RBFOX1: variants seen among roughly 807,000 people sequenced by gnomAD.
The protein encoded by RBFOX1 is RNA binding protein fox-1 homolog 1.
RBFOX1 carries 8 observed loss-of-function variants against 57.7 expected under a neutral mutation model. The observed-to-expected ratio is 0.14, with a 90% CI of 0.08 to 0.25. RBFOX1 has a LOEUF of 0.25. Ranked by LOEUF, RBFOX1 falls within the 10% of genes least tolerant of loss-of-function variation. RBFOX1 has a pLI of 1.00. For missense variants in RBFOX1, 611 were observed against 548.5 expected (o/e 1.11, Z -1.14); for synonymous variants, 326 against 222.4 (o/e 1.47, Z -4.15).
At chr16:5,803,500 T>G (rs541960599) in intron 3 of RBFOX1, among the ~76,000 whole-genome samples, 28 of 152,342 alleles carry the variant, frequency 1.8e-4, no homozygotes, top group African/African-American at 6.5e-4. Flanking sequence ...CGGTGCTACT[T>G]TCTTTGTGAG....
chr16:7,261,520 G>A (rs1277376173), intron 4 of RBFOX1, among the ~76,000 whole-genome samples: 1 of 152,074 alleles, frequency 6.6e-6, no homozygotes, highest in Non-Finnish European at 1.5e-5. Flanking sequence ...ATCAGCATAG[G>A]AGATAACTAA....
At chr16:6,476,235 C>T (rs1162441733) in intron 2 of RBFOX1, among the ~76,000 whole-genome samples, 1 of 152,118 alleles carries the variant, frequency 6.6e-6, no homozygotes, top group South Asian at 2.1e-4. Context: ...AAATACTACC[C>T]ATTTTGTATG....
chr16:5,384,853 G>C (rs932483168), intron 1 of RBFOX1, among the ~76,000 whole-genome samples: 2 of 152,148 alleles, frequency 1.3e-5, no homozygotes, highest in African/African-American at 4.8e-5. Flanking sequence ...ATTCATCGTA[G>C]TGATTCCTAC....
At chr16:6,693,646 C>A (rs1376329967) in intron 3 of RBFOX1, among the ~76,000 whole-genome samples, 2 of 151,562 alleles carry the variant, frequency 1.3e-5, no homozygotes, top group African/African-American at 4.9e-5. Context: ...CCATCACCAC[C>A]ACAATCATCA....
chr16:6,817,269 C>T (rs1024996154), intron 3 of RBFOX1, among the ~76,000 whole-genome samples: 1 of 152,112 alleles, frequency 6.6e-6, no homozygotes, highest in African/African-American at 2.4e-5. Context: ...ATACTTCTGA[C>T]CACCTTAATG....
intron 14 of RBFOX1, among the ~76,000 whole-genome samples, chr16:7,681,443 G>A (rs557584800): frequency 6.6e-6 from 1 of 152,134 alleles, no homozygotes; most frequent in Non-Finnish European, 1.5e-5. Context: ...ATTAGCGCAG[G>A]CTACTTCCTG....
At chr16:7,432,876 G>C (rs1361499119) in intron 4 of RBFOX1, among the ~76,000 whole-genome samples, 1 of 152,112 alleles carries the variant, frequency 6.6e-6, no homozygotes, top group Non-Finnish European at 1.5e-5. Flanking sequence ...TCTGTTTTCA[G>C]GCCATCATAA....
intron 2 of RBFOX1, among the ~76,000 whole-genome samples, chr16:6,472,637 T>G (rs1188522998): frequency 6.6e-6 from 1 of 152,032 alleles, no homozygotes; most frequent in African/African-American, 2.4e-5. Flanking sequence ...TTTCTTTTTT[T>G]TTTTTCAATG....
chr16:6,122,798 GTGTA>G (rs970286477), intron 1 of RBFOX1, among the ~76,000 whole-genome samples: 5 of 117,724 alleles, frequency 4.2e-5, no homozygotes, highest in African/African-American at 1.1e-4. Context: ...GGCTATGTGT[GTGTA>G]TGTGTGTGTG....
intron 3 of RBFOX1, among the ~76,000 whole-genome samples, chr16:6,799,777 C>G (rs11642370): frequency 6.6e-6 from 1 of 151,962 alleles, no homozygotes; most frequent in African/African-American, 2.4e-5. Context: ...CTTTGGACCG[C>G]TGGACTTAAC....
intron 2 of RBFOX1, among the ~76,000 whole-genome samples, chr16:5,503,061 G>A (rs570345696): frequency 1.7e-3 from 255 of 152,332 alleles, no homozygotes; most frequent in African/African-American, 5.7e-3. Flanking sequence ...TGTGGAAGCT[G>A]CATTTCAGCT....
At chr16:7,268,109 C>T (rs535561751) in intron 4 of RBFOX1, among the ~76,000 whole-genome samples, 15 of 152,238 alleles carry the variant, frequency 9.9e-5, no homozygotes, top group Non-Finnish European at 1.6e-4. Flanking sequence ...ATATGGTAGG[C>T]ATGTGTAACA....
At chr16:5,667,481 G>C (rs1337973298) in intron 3 of RBFOX1, among the ~76,000 whole-genome samples, 1 of 152,270 alleles carries the variant, frequency 6.6e-6, no homozygotes, top group East Asian at 1.9e-4. Context: ...GATTGGTTTT[G>C]GGTTACTTGT....
chr16:6,799,443 G>C (rs1332715528), intron 3 of RBFOX1, among the ~76,000 whole-genome samples: 1 of 152,128 alleles, frequency 6.6e-6, no homozygotes, highest in Non-Finnish European at 1.5e-5. Flanking sequence ...CTGGAAAAGA[G>C]GGAGTTCCCA....
At chr16:5,542,149 A>C (rs78074423) in intron 2 of RBFOX1, among the ~76,000 whole-genome samples, 1 of 152,082 alleles carries the variant, frequency 6.6e-6, no homozygotes, top group Non-Finnish European at 1.5e-5. Context: ...ATGTCTTTCA[A>C]GAGTAATCGA....
At chr16:6,762,702 C>T (rs1243248953) in intron 3 of RBFOX1, among the ~76,000 whole-genome samples, 3 of 152,004 alleles carry the variant, frequency 2.0e-5, no homozygotes, top group Non-Finnish European at 4.4e-5. Flanking sequence ...CAGTGATTTG[C>T]TAAAGAATAG....
At chr16:5,385,515 G>A (rs376290131) in intron 1 of RBFOX1, among the ~76,000 whole-genome samples, 17 of 152,212 alleles carry the variant, frequency 1.1e-4, no homozygotes, top group South Asian at 6.2e-4. Flanking sequence ...AGAATAATTC[G>A]GGGAGCATTC....
intron 2 of RBFOX1, among the ~76,000 whole-genome samples, chr16:6,413,585 G>T (rs775650061): frequency 6.6e-6 from 1 of 151,926 alleles, no homozygotes; most frequent in East Asian, 1.9e-4. Flanking sequence ...TCTCATAATC[G>T]GTCAAAACAA....
intron 1 of RBFOX1, among the ~76,000 whole-genome samples, chr16:6,271,917 G>A (rs1362985631): frequency 1.3e-5 from 2 of 152,010 alleles, no homozygotes; most frequent in Non-Finnish European, 2.9e-5. Context: ...CCAGAAAACA[G>A]GAGAGAAATA....
Sources: gnomAD v4.1 joint callset for allele counts (sites outside exome capture counted in the v4.1 genomes callset) on GRCh38, gnomAD v4.1.1 for gene constraint, MANE v1.5 for transcripts, NCBI Gene and HGNC (gene_info 2026-07-23, HGNC 2026-07-21) for gene names.